FXN: variants seen among roughly 807,000 people sequenced by gnomAD.
The protein encoded by FXN is frataxin, mitochondrial.
Under a neutral mutation model 22.4 loss-of-function variants are expected in FXN, and 14 were observed. The ratio of observed to expected loss-of-function variants is 0.62; its 90% confidence interval spans 0.41 to 0.98. The LOEUF (loss-of-function observed/expected upper bound fraction) is 0.98, where lower values mean the gene tolerates loss of function less well. FXN is among the 50% of genes least tolerant of loss of function. FXN has a pLI of 0.00. For synonymous variants in FXN, 120 were observed against 114.1 expected (o/e 1.05, Z -0.33); for missense variants, 267 against 268.4 (o/e 0.99, Z 0.04).
At chr9:69,064,541 T>C (rs929777419) in intron 3 of FXN, among the ~76,000 whole-genome samples, 18 of 152,328 alleles carry the variant, frequency 1.2e-4, no homozygotes, top group African/African-American at 4.3e-4. Flanking sequence ...GGTACTCTAA[T>C]AGAGTTAGAG....
chr9:69,077,126 C>G lies in FXN; in HGVS notation c.*4364C>G. The G allele has an allele frequency of 1.7e-6, 1 of 574,434 alleles. No individual in the cohort carries two copies. The highest frequency in any genetic ancestry group is 2.2e-6 in the Non-Finnish European group (1 of 454,806). 35.6% of individuals were successfully genotyped at this position (574,434 alleles called of 1,614,324 possible). The stretch of plus-strand genomic sequence containing the variant: ...ACGGGGTTTCACCATCATGGCCAGG[C>G]TGGTCTTGAACTCCTGACCTAGTAA... On this transcript the variant is annotated 3_prime_UTR_variant, in exon 5 of 5. Transcript: ENST00000484259.
rs1008438820 is a variant in FXN at position 69,078,941 on chromosome 9, T to C, written c.*6179T>C. ...CCTTCCATGAGGCTAGGACTATGTGTCTCCTTTGTTGACTGCTGTTGCCCT... is the reference window on the plus strand; with the variant it reads ...CCTTCCATGAGGCTAGGACTATGTGCCTCCTTTGTTGACTGCTGTTGCCCT... On this transcript the variant is annotated 3_prime_UTR_variant, in exon 5 of 5. Transcript: ENST00000484259. The C allele has an allele frequency of 2.1e-6, 2 of 950,684 alleles. No homozygotes were observed. The highest frequency in any genetic ancestry group is 1.2e-4 in the Admixed American group (2 of 16,218). 58.9% of individuals were successfully genotyped at this position (950,684 alleles called of 1,614,324 possible).
intron 3 of FXN, among the ~76,000 whole-genome samples, chr9:69,060,361 A>G (rs1832047803): frequency 6.9e-6 from 1 of 145,314 alleles, no homozygotes. Context: ...ACAGAGCGAG[A>G]CTCCATCTCA....
intron 1 of FXN, among the ~76,000 whole-genome samples, chr9:69,043,790 G>A (rs1831699001): frequency 6.6e-6 from 1 of 152,122 alleles, no homozygotes; most frequent in Non-Finnish European, 1.5e-5. Context: ...CACCATGTTG[G>A]CCAGGCTAGT....
chr9:69,078,843 T>TTCCATG lies in FXN; in HGVS notation c.*6085_*6090dup. The TTCCATG allele has an allele frequency of 1.0e-6, 1 of 985,872 alleles. No homozygotes were observed. The highest frequency in any genetic ancestry group is 1.2e-6 in the Non-Finnish European group (1 of 830,268). 61.1% of individuals were successfully genotyped at this position (985,872 alleles called of 1,614,324 possible). On this transcript the variant is annotated 3_prime_UTR_variant, in exon 5 of 5. Coordinates refer to ENST00000484259, the MANE Select transcript of FXN (RefSeq NM_000144.5). ...GCCTCTGCCTGGATGCCCTTGATTG[T>TTCCATG]TCCATGTCCTCAGCATACCATGTTT...
At chr9:69,048,931 C>T (rs1831805585) in intron 2 of FXN, among the ~76,000 whole-genome samples, 1 of 152,204 alleles carries the variant, frequency 6.6e-6, no homozygotes, top group Admixed American at 6.5e-5. Context: ...CAAAGAGGCA[C>T]TGCATGCTGC....
chr9:69,074,600 A>G lies in FXN; in HGVS notation c.*1838A>G. On this transcript the variant is annotated 3_prime_UTR_variant, in exon 5 of 5. Coordinates refer to ENST00000484259, the MANE Select transcript of FXN (RefSeq NM_000144.5). ...AGGCTTTTCCAATGGGTGAATAAAA[A>G]CACATTCCATTAAGTCAAGCTGGGA... The G allele has an allele frequency of 1.0e-6, 1 of 985,346 alleles. No homozygotes were observed. The allele number at this position is 985,346 out of a possible 1,614,324, so 61.0% of individuals were successfully genotyped here.
intron 2 of FXN, among the ~76,000 whole-genome samples, chr9:69,052,607 A>G (rs1451978476): frequency 7.1e-5 from 10 of 140,854 alleles, no homozygotes; most frequent in Admixed American, 4.6e-4. Context: ...CAGTGGCGCA[A>G]TCTCGGCTCA....
At chr9:69,070,477 T>C (rs1018959674) in intron 4 of FXN, among the ~76,000 whole-genome samples, 11 of 152,190 alleles carry the variant, frequency 7.2e-5, no homozygotes, top group African/African-American at 2.7e-4. Context: ...CAGGTAACGA[T>C]GCGAGGGCTT....
chr9:69,044,840 A>G (rs1280749236), intron 1 of FXN, among the ~76,000 whole-genome samples: 1 of 152,230 alleles, frequency 6.6e-6, no homozygotes, highest in Non-Finnish European at 1.5e-5. Flanking sequence ...GGGACTAAAA[A>G]AAATCAACAG....
chr9:69,043,112 A>T (rs952626233), intron 1 of FXN, among the ~76,000 whole-genome samples: 1 of 152,220 alleles, frequency 6.6e-6, no homozygotes, highest in Non-Finnish European at 1.5e-5. Flanking sequence ...AGATGTGTGC[A>T]GAGCGGCAAA....
intron 1 of FXN, 41 bp downstream of exon 1, chr9:69,035,988 CGG>C: frequency 8.0e-6 from 11 of 1,376,514 alleles, no homozygotes; most frequent in Non-Finnish European, 1.0e-5. Flanking sequence ...CCGCACGCCG[CGG>C]GCCGCACGCC....
chr9:69,053,471 A>AGATGGATGGATGGATG (rs58150402), intron 3 of FXN, among the ~76,000 whole-genome samples: 54 of 140,364 alleles, frequency 3.8e-4, no homozygotes, highest in African/African-American at 1.1e-3. Flanking sequence ...ACTCTGTCAT[A>AGATGGATGGATGGATG]GATGGATGGA....
intron 4 of FXN, among the ~76,000 whole-genome samples, chr9:69,071,450 C>T (rs185384852): frequency 5.1e-4 from 77 of 152,306 alleles, no homozygotes; most frequent in Non-Finnish European, 8.8e-4. Flanking sequence ...TCTGGGCTCC[C>T]ATGCACTCTG....
intron 3 of FXN, among the ~76,000 whole-genome samples, chr9:69,060,287 C>T (rs1302682782): frequency 6.6e-6 from 1 of 151,688 alleles, no homozygotes; most frequent in Non-Finnish European, 1.5e-5. Flanking sequence ...AGGAGAATGG[C>T]GTGAACCCGG....
chr9:69,072,083 G>C (rs1832286391), intron 4 of FXN, among the ~76,000 whole-genome samples: 1 of 152,174 alleles, frequency 6.6e-6, no homozygotes, highest in African/African-American at 2.4e-5. Flanking sequence ...TGGATACCAA[G>C]GAACAACAGC....
chr9:69,073,853 G>A lies in FXN; in HGVS notation c.*1091G>A. 1.0e-6 allele frequency: 1 copy of A among 985,350 alleles called. No individual in the cohort carries two copies. The highest frequency in any genetic ancestry group is 1.2e-6 in the Non-Finnish European group (1 of 829,890). The allele number at this position is 985,350 out of a possible 1,614,324, so 61.0% of individuals were successfully genotyped here. ...TATAGGAAACATTGTTATTGGTGTT[G>A]CCCTATCGTGATTTCAGTTGAATTC... is the stretch of plus-strand genomic sequence containing the variant. On this transcript the variant is annotated 3_prime_UTR_variant, in exon 5 of 5. Coordinates refer to ENST00000484259, the MANE Select transcript of FXN (RefSeq NM_000144.5).
intron 1 of FXN, among the ~76,000 whole-genome samples, chr9:69,038,123 G>A (rs918332970): frequency 9.2e-5 from 14 of 152,224 alleles, no homozygotes; most frequent in African/African-American, 3.4e-4. Context: ...GTCACCAGCT[G>A]GGCCTCTTTT....
In FXN at chr9:69,046,469, T is replaced by G. The variant is rs2133102515; in HGVS notation, c.250T>G (p.Leu84Val). The change falls in exon 2 of 5, where the codon TTG becomes GTG. Residue 84 changes from leucine (L) to valine (V), a missense_variant. Physicochemically the swap from Leu to Val is conservative, Grantham distance 32. Transcript: ENST00000484259. ...YLMNLRKSGTLGHPGSLDETT... is the reference protein window; with the variant it reads ...YLMNLRKSGTVGHPGSLDETT... ...GATGAATTTGAGGAAATCTGGAACT[T>G]TGGGCCACCCAGGGTAAGATAAAAC... The G allele has an allele frequency of 2.5e-6, 4 of 1,613,510 alleles. No individual in the cohort carries two copies. The East Asian group carries it at 6.7e-5, about 27-fold the overall frequency.
Sources: gnomAD v4.1 joint callset for allele counts (sites outside exome capture counted in the v4.1 genomes callset) on GRCh38, gnomAD v4.1.1 for gene constraint, MANE v1.5 for transcripts, NCBI Gene and HGNC (gene_info 2026-07-23, HGNC 2026-07-21) for gene names.